The following RPAP3 variants were observed in gnomAD, a reference collection of about 807,000 sequenced individuals.
The protein encoded by RPAP3 is RNA polymerase II-associated protein 3.
In RPAP3, 58 loss-of-function variants were observed where a neutral mutation model predicts 88.8. The observed-to-expected ratio is 0.65, with a 90% CI of 0.53 to 0.81. The LOEUF is 0.81. Ranked by LOEUF, RPAP3 falls within the 40% of genes least tolerant of loss-of-function variation. The pLI is 0.00. For synonymous variants in RPAP3, 255 were observed against 259.9 expected (o/e 0.98, Z 0.18); for missense variants, 751 against 764.3 (o/e 0.98, Z 0.20).
At chr12:47,677,643 T>C (rs1025545067) in intron 12 of RPAP3, among the ~76,000 whole-genome samples, 1 of 151,846 alleles carries the variant, frequency 6.6e-6, no homozygotes, top group Non-Finnish European at 1.5e-5. Context: ...CCATTTACAA[T>C]TGCTACAAAG....
chr12:47,679,289 C>T (rs1406791590), intron 12 of RPAP3, among the ~76,000 whole-genome samples: 2 of 152,050 alleles, frequency 1.3e-5, no homozygotes, highest in African/African-American at 4.8e-5. Flanking sequence ...GGAGAAATAC[C>T]TAATGTAAAT....
chr12:47,688,241 C>G (rs7960755), intron 7 of RPAP3, among the ~76,000 whole-genome samples: 25,224 of 151,980 alleles, frequency 0.17, 2,660 homozygotes, highest in Admixed American at 0.32. Flanking sequence ...ACGCCACATA[C>G]TGCATGTTTT....
intron 2 of RPAP3, among the ~76,000 whole-genome samples, chr12:47,701,828 A>AT (rs1335567864): frequency 6.6e-6 from 1 of 152,244 alleles, no homozygotes; most frequent in Non-Finnish European, 1.5e-5. Flanking sequence ...AGAAAAAAGT[A>AT]TTACCTAGAA....
At chr12:47,685,166 G>A (rs1035040769) in intron 9 of RPAP3, among the ~76,000 whole-genome samples, 1 of 152,158 alleles carries the variant, frequency 6.6e-6, no homozygotes, top group African/African-American at 2.4e-5. Context: ...ATCACCTGAG[G>A]TCAGGAGTTT....
intron 6 of RPAP3, among the ~76,000 whole-genome samples, chr12:47,689,632 C>T (rs1051649579): frequency 2.6e-5 from 4 of 151,754 alleles, no homozygotes; most frequent in African/African-American, 9.7e-5. Flanking sequence ...AGCCACTGTG[C>T]AGAGCCAAGC....
chr12:47,689,433 A>G (rs531465429), intron 6 of RPAP3, among the ~76,000 whole-genome samples: 2 of 152,250 alleles, frequency 1.3e-5, no homozygotes, highest in East Asian at 3.9e-4. Context: ...TCCAGTTCCC[A>G]GGTTCCAGTG....
At chr12:47,691,247 C>T (rs1469488281) in intron 5 of RPAP3, among the ~76,000 whole-genome samples, 2 of 152,114 alleles carry the variant, frequency 1.3e-5, no homozygotes, top group African/African-American at 2.4e-5. Flanking sequence ...GTTCACGGCA[C>T]CTTCACCAAG....
chr12:47,697,157 C>T (rs1295776713), intron 4 of RPAP3, among the ~76,000 whole-genome samples: 4 of 152,108 alleles, frequency 2.6e-5, no homozygotes, highest in African/African-American at 7.2e-5. Context: ...CTGAACATTC[C>T]AAAAAGTAAC....
In RPAP3 at chr12:47,668,919, TA is replaced by T; in HGVS notation, c.1709del (p.Leu570Ter). 4 of 1,611,376 alleles carry T rather than the reference TA, an allele frequency of 2.5e-6. No homozygotes were observed. The highest frequency in any genetic ancestry group is 2.5e-6 in the Non-Finnish European group (3 of 1,177,508). On this transcript the variant is annotated frameshift_variant, in exon 14 of 17. Coordinates refer to ENST00000005386, the MANE Select transcript of RPAP3 (RefSeq NM_024604.3). LOFTEE classifies it high-confidence loss of function. ...KSSPDMLYQY[L>X]KQIEPSLYPK... is the part of the protein sequence containing the mutation. The stretch of plus-strand genomic sequence containing the variant: ...GTACTACCTTCCTCTCTCTTACCTT[TA>T]AATACTGATACAACATATCTGGAGA...
At chr12:47,697,866 ATTG>A in intron 3 of RPAP3, 147 bp from the exon 4 acceptor site, 2 of 702,962 alleles carry the variant, frequency 2.8e-6, no homozygotes, top group East Asian at 3.1e-5. Flanking sequence ...CAAATCTCTC[ATTG>A]TTAAGATTAT....
At chr12:47,700,682 T>C (rs998369116) in intron 3 of RPAP3, among the ~76,000 whole-genome samples, 1 of 152,240 alleles carries the variant, frequency 6.6e-6, no homozygotes, top group Non-Finnish European at 1.5e-5. Context: ...CTGATGGTGA[T>C]TCTCCAAGTA....
rs145325059 is a variant in RPAP3, at chr12:47,678,288, T to C, written c.1287+1205A>G. 2.3e-4 allele frequency among the ~76,000 whole-genome samples: 35 copies of C among 152,184 alleles called. No homozygotes were observed. The East Asian group carries it at 5.8e-3, about 25-fold the overall frequency. ...GACTTAAATGTTAGACCTAAAACCA[T>C]AAAAACCCTACAAGAAAACCTAGGA... On this transcript the variant is annotated intron_variant, in intron 12 of 16. Transcript: ENST00000005386.
chr12:47,682,574 G>A (rs1157181335), intron 9 of RPAP3, among the ~76,000 whole-genome samples: 1 of 151,624 alleles, frequency 6.6e-6, no homozygotes, highest in Non-Finnish European at 1.5e-5. Flanking sequence ...GGAAAATGCT[G>A]AAACAAATAT....
chr12:47,702,611 C>T, intron 2 of RPAP3, 77 bp downstream of exon 2: 1 of 1,232,058 alleles, frequency 8.1e-7, no homozygotes, highest in Non-Finnish European at 1.1e-6. Flanking sequence ...AGTATTTTCA[C>T]AAAACATTTT....
chr12:47,695,623 T>G (rs1197775006), intron 5 of RPAP3, among the ~76,000 whole-genome samples: 1 of 152,176 alleles, frequency 6.6e-6, no homozygotes, highest in East Asian at 1.9e-4. Context: ...TCGAATATTA[T>G]AAAATGTAAA....
Position 47,669,020 on chromosome 12 carries a change from A to G in RPAP3, c.1609T>C (p.Phe537Leu), listed in dbSNP as rs766637144. The G allele has an allele frequency of 7.4e-6, 12 of 1,613,810 alleles. No homozygotes were observed. Among genetic ancestry groups the G allele is most frequent in the Non-Finnish European group, 1.0e-5 (12 of 1,179,856 alleles). Residue 537 changes from phenylalanine (F) to leucine (L), a missense_variant, in exon 14 of 17, where the codon TTT becomes CTT. Phe to Leu is a conservative substitution (Grantham distance 22). Transcript: ENST00000005386. ...PIEIEQKPAQ[F>L]ATTVLPPIPA... ...ATTGGAGGAAGAACAGTTGTGGCAA[A>G]CTGAGCAGGTTTTTGTTCTATCTCT...
Position 47,679,778 on chromosome 12 carries a change from A to C in RPAP3, c.1115-4T>G. On this transcript the variant is annotated splice_region_variant and splice_polypyrimidine_tract_variant and intron_variant, in intron 10 of 16. Coordinates refer to ENST00000005386, the MANE Select transcript of RPAP3 (RefSeq NM_024604.3). ...AGAAGTAAAACAGTTTCAAAATCTA[A>C]AGCGAATTTTTTAAAAACATTACAA... is the stretch of plus-strand genomic sequence containing the variant. 1 of 1,597,120 alleles carries C rather than the reference A, an allele frequency of 6.3e-7. No homozygotes were observed. Among genetic ancestry groups the C allele is most frequent in the Non-Finnish European group, 8.6e-7 (1 of 1,169,002 alleles).
intron 15 of RPAP3, 92 bp downstream of exon 15, chr12:47,667,662 C>G (rs1938908479): frequency 1.5e-6 from 1 of 683,864 alleles, no homozygotes; most frequent in Non-Finnish European, 2.5e-6. Context: ...GTTCCTATGT[C>G]TTAATCATTT....
At chr12:47,665,033 TC>T (rs2136602314) in intron 16 of RPAP3, among the ~76,000 whole-genome samples, 1 of 151,692 alleles carries the variant, frequency 6.6e-6, no homozygotes, top group South Asian at 2.1e-4. Context: ...AGGAAGATAT[TC>T]TACGTTGAGA....
Sources: allele counts gnomAD v4.1 joint callset (sites outside exome capture counted in the v4.1 genomes callset), GRCh38; gene constraint gnomAD v4.1.1; transcripts MANE v1.5; gene names NCBI Gene and HGNC (gene_info 2026-07-23, HGNC 2026-07-21).